Variants in DYTN observed in about 807,000 individuals in gnomAD.
The protein encoded by DYTN is dystrotelin.
In DYTN, 75 loss-of-function variants were observed where a neutral mutation model predicts 69.6. The observed-to-expected ratio is 1.08, with a 90% CI of 0.89 to 1.31. The LOEUF (loss-of-function observed/expected upper bound fraction) is 1.31, where lower values mean the gene tolerates loss of function less well. Among genes scored for constraint, DYTN ranks in the 50% most tolerant of loss-of-function variants. The probability of loss-of-function intolerance (pLI) is 0.00; values close to 1 mark genes in which losing one functional copy is unlikely to be tolerated. For missense variants in DYTN, 726 were observed against 688.4 expected, an observed-to-expected ratio of 1.05 and a Z score of -0.61; for synonymous variants, 252 against 249.1, an observed-to-expected ratio of 1.01 and a Z score of -0.11.
At chr2:206,709,057 A>G (rs966061980) in intron 2 of DYTN, among the ~76,000 whole-genome samples, 5 of 152,206 alleles carry the variant, frequency 3.3e-5, no homozygotes, top group African/African-American at 1.2e-4. Flanking sequence ...GGAATAATAA[A>G]TAATAGTTAT....
In DYTN at chr2:206,663,022, G is replaced by A; in HGVS notation, c.1514C>T (p.Ala505Val). The stretch of plus-strand genomic sequence containing the variant: ...ACCTGCCTCTTTCTTTTCCACGGCT[G>A]CCAGAGCAGGACTGCTCATTTCAGC... Reference protein sequence around the residue: ...VPAEMSSPALAAVEKKEAGNI... With the variant: ...VPAEMSSPALVAVEKKEAGNI... Residue 505 changes from alanine (A) to valine (V), a missense_variant, in exon 11 of 12, where the codon GCA (alanine) becomes GTA (valine). Physicochemically the swap from Ala to Val is moderately conservative, Grantham distance 64 (BLOSUM62 0). Transcript: ENST00000452335. 6.2e-7 allele frequency: 1 copy of A among 1,613,766 alleles called. No homozygotes were observed. The highest frequency in any genetic ancestry group is 8.5e-7 in the Non-Finnish European group (1 of 1,179,872).
rs1453506650 is a variant in DYTN, at chr2:206,718,292, C to T, written c.-13G>A. On this transcript the variant is annotated 5_prime_UTR_variant, in exon 1 of 12. Coordinates refer to ENST00000452335, the MANE Select transcript of DYTN (RefSeq NM_001093730.1). The stretch of plus-strand genomic sequence containing the variant: ...TATCTGGATCCATTTCACAAATTTC[C>T]TGGAATGACAGATGGCAAGTGGGTC... The T allele has an allele frequency of 6.3e-7, 1 of 1,599,780 alleles. No individual in the cohort carries two copies. The highest frequency in any genetic ancestry group is 8.5e-7 in the Non-Finnish European group (1 of 1,173,134).
intron 9 of DYTN, among the ~76,000 whole-genome samples, chr2:206,691,945 T>C (rs1309177234): frequency 3.3e-5 from 5 of 152,184 alleles, no homozygotes. Context: ...ATAGTCCTAG[T>C]AGGCAAAATG....
At chr2:206,713,147 A>C (rs1471894264) in intron 1 of DYTN, among the ~76,000 whole-genome samples, 1 of 152,246 alleles carries the variant, frequency 6.6e-6, no homozygotes, top group Non-Finnish European at 1.5e-5. Context: ...TGTATTATTT[A>C]TCATGCACAG....
rs183001777 is a variant in DYTN, at chr2:206,694,019, G to A, written c.832-696C>T. Among the ~76,000 whole-genome samples, 8 of 152,298 alleles carry A rather than the reference G, an allele frequency of 5.3e-5. No individual in the cohort carries two copies. In the East Asian group the frequency reaches 1.5e-3, roughly 29 times the overall value. ...CAGGCCATTCATGTAAAGGAGAGAA[G>A]GAGGGAAAACTATCCTTGGCAAAGT... On this transcript the variant is annotated intron_variant, in intron 8 of 11. Coordinates refer to ENST00000452335, the MANE Select transcript of DYTN (RefSeq NM_001093730.1).
chr2:206,705,960 G>A (rs1208726531), intron 3 of DYTN, 87 bp from the exon 4 acceptor site: 1 of 1,430,744 alleles, frequency 7.0e-7, no homozygotes, highest in African/African-American at 1.4e-5. Flanking sequence ...AACTATTAAT[G>A]GGCATTTCTG....
In DYTN at chr2:206,710,400, A is replaced by T. The variant is rs989717202; in HGVS notation, c.94+124T>A. ...TCTCTGTCACGAATGGGCTAAATGC[A>T]CAAGTCCAGACTTCCAGAATCCAGT... is the stretch of plus-strand genomic sequence containing the variant. On this transcript the variant is annotated intron_variant, in intron 2 of 11. Transcript: ENST00000452335. The T allele has an allele frequency of 4.5e-6, 4 of 886,108 alleles. No individual in the cohort carries two copies. The Admixed American group carries it at 9.3e-5, about 21-fold the overall frequency. The allele number at this position is 886,108 out of a possible 1,614,324, so 54.9% of individuals were successfully genotyped here.
intron 8 of DYTN, 147 bp downstream of exon 8, chr2:206,694,619 G>A: frequency 1.9e-6 from 1 of 525,464 alleles, no homozygotes; most frequent in Non-Finnish European, 3.2e-6. Flanking sequence ...GATATTCAAG[G>A]TGGAGTTTGC....
rs1401602051 is a variant in DYTN, at chr2:206,663,312, A to G, written c.1224T>C (p.Val408=). The change falls in exon 11 of 12, where the codon GTT becomes GTC. Residue 408 remains valine, a synonymous_variant. Coordinates refer to ENST00000452335, the MANE Select transcript of DYTN (RefSeq NM_001093730.1). ...TCTGCAAATAATCCCCTCCCTTTGG[A>G]ACCTTTTCAGTTGAAGAATGGTCAA... ...NKVDHSSTEK[V]PKGGDYLQIK... The G allele has an allele frequency of 6.2e-7, 1 of 1,613,874 alleles. No individual in the cohort carries two copies. The highest frequency in any genetic ancestry group is 1.3e-5 in the African/African-American group (1 of 74,936).
intron 11 of DYTN, 107 bp downstream of exon 11, chr2:206,662,796 T>C: frequency 5.4e-6 from 8 of 1,479,050 alleles, no homozygotes; most frequent in Admixed American, 2.2e-5. Flanking sequence ...AGAGCACTGC[T>C]ACATACTAGA....
At chr2:206,715,345 G>T (rs764775208) in intron 1 of DYTN, among the ~76,000 whole-genome samples, 2 of 152,116 alleles carry the variant, frequency 1.3e-5, no homozygotes, top group East Asian at 3.9e-4. Flanking sequence ...CCAGAGGCGA[G>T]GGGGAGGGGA....
chr2:206,652,448 C>T (rs1484917775), intron 11 of DYTN, among the ~76,000 whole-genome samples: 1 of 152,236 alleles, frequency 6.6e-6, no homozygotes, highest in African/African-American at 2.4e-5. Context: ...GAAAGATCTA[C>T]AATTTGGCAG....
intron 4 of DYTN, among the ~76,000 whole-genome samples, chr2:206,705,390 G>A (rs56034073): frequency 0.31 from 46,733 of 152,160 alleles, 7,285 homozygotes; most frequent in East Asian, 0.43. Context: ...GAGCCACCAC[G>A]TCCGGTCACT....
chr2:206,695,114 C>T (rs1699907105), intron 7 of DYTN, among the ~76,000 whole-genome samples: 1 of 152,252 alleles, frequency 6.6e-6, no homozygotes, highest in Middle Eastern at 3.4e-3. Context: ...ATGCCATATA[C>T]GCTATGGTAT....
intron 1 of DYTN, among the ~76,000 whole-genome samples, chr2:206,716,668 G>A (rs1465618138): frequency 6.6e-6 from 1 of 152,006 alleles, no homozygotes; most frequent in Non-Finnish European, 1.5e-5. Flanking sequence ...AAAAAAAATT[G>A]AGAGTAGGCA....
In DYTN at chr2:206,665,959, T is replaced by C; in HGVS notation, c.1051A>G (p.Ile351Val). ...TGAATCCTTGTTTCAAATCGACAAA[T>C]TCTTTCTTCCTGGGAGGTGTATATA... ...QAIYTSQEER[I>V]CRFETRIHKL... Residue 351 changes from isoleucine (I) to valine (V), a missense_variant, in exon 10 of 12, where the codon ATT becomes GTT. Ile to Val is a conservative substitution (Grantham distance 29). Transcript: ENST00000452335. The C allele has an allele frequency of 6.2e-7, 1 of 1,613,972 alleles. No individual in the cohort carries two copies. The highest frequency in any genetic ancestry group is 1.1e-5 in the South Asian group (1 of 91,088).
intron 9 of DYTN, among the ~76,000 whole-genome samples, chr2:206,678,263 T>G (rs1411439109): frequency 1.3e-5 from 2 of 152,214 alleles, no homozygotes; most frequent in Non-Finnish European, 2.9e-5. Flanking sequence ...ATTAAATATA[T>G]TCCAGTGATA....
At chr2:206,682,240 T>C (rs1447941296) in intron 9 of DYTN, among the ~76,000 whole-genome samples, 1 of 152,172 alleles carries the variant, frequency 6.6e-6, no homozygotes, top group Non-Finnish European at 1.5e-5. Context: ...TTCTCATCTT[T>C]TGTTGTGTCT....
chr2:206,653,187 C>T (rs372194745), intron 11 of DYTN, among the ~76,000 whole-genome samples: 8 of 152,076 alleles, frequency 5.3e-5, no homozygotes, highest in African/African-American at 1.7e-4. Flanking sequence ...TTTAAGACAT[C>T]GTTTCTCAGG....
Sources: allele counts gnomAD v4.1 joint callset (sites outside exome capture counted in the v4.1 genomes callset), GRCh38; gene constraint gnomAD v4.1.1; transcripts MANE v1.5; gene names NCBI Gene and HGNC (gene_info 2026-07-23, HGNC 2026-07-21).